Variants in CNTNAP2 observed in about 807,000 individuals in gnomAD.
CNTNAP2 encodes the protein contactin associated protein 2.
A neutral mutation model predicts 155.2 loss-of-function variants in CNTNAP2; 98 were observed. That is an observed-to-expected ratio of 0.63 (90% CI 0.54 to 0.75). CNTNAP2 has a LOEUF of 0.75. Ranked by LOEUF, CNTNAP2 falls within the 30% of genes least tolerant of loss-of-function variation. The pLI is 0.00. For synonymous variants in CNTNAP2, 651 were observed against 631.2 expected (o/e 1.03, Z -0.47); for missense variants, 1,727 against 1,688.1 (o/e 1.02, Z -0.40).
chr7:146,541,389 G>C (rs1438100722), intron 1 of CNTNAP2, among the ~76,000 whole-genome samples: 1 of 151,952 alleles, frequency 6.6e-6, no homozygotes, highest in East Asian at 1.9e-4. Context: ...AACACTCTAA[G>C]ATAATTTACT....
At chr7:147,288,065 C>T (rs984712566) in intron 8 of CNTNAP2, among the ~76,000 whole-genome samples, 2 of 152,112 alleles carry the variant, frequency 1.3e-5, no homozygotes, top group Non-Finnish European at 2.9e-5. Flanking sequence ...TCTGGCACTC[C>T]AATACACCAA....
chr7:147,301,439 G>A (rs1324983012), intron 9 of CNTNAP2, among the ~76,000 whole-genome samples: 1 of 152,086 alleles, frequency 6.6e-6, no homozygotes, highest in African/African-American at 2.4e-5. Flanking sequence ...AATGTGAGAT[G>A]TAAAAAATAA....
chr7:146,507,513 T>A (rs1484539206), intron 1 of CNTNAP2, among the ~76,000 whole-genome samples: 1 of 152,200 alleles, frequency 6.6e-6, no homozygotes, highest in Non-Finnish European at 1.5e-5. Flanking sequence ...CTGAGCCAAA[T>A]GGAGCACAAA....
intron 1 of CNTNAP2, among the ~76,000 whole-genome samples, chr7:146,301,724 C>T (rs1331424157): frequency 2.0e-5 from 3 of 152,080 alleles, no homozygotes; most frequent in African/African-American, 7.2e-5. Context: ...CATGAATGAT[C>T]TCCAAATAAA....
intron 1 of CNTNAP2, among the ~76,000 whole-genome samples, chr7:146,331,015 A>C (rs1801175401): frequency 6.6e-6 from 1 of 152,110 alleles, no homozygotes; most frequent in Non-Finnish European, 1.5e-5. Context: ...TCAATAACCA[A>C]CTATCATGGC....
rs566884642 is a variant in CNTNAP2 at position 147,274,137 on chromosome 7, T to C, written c.1349-26004T>C. 2.0e-5 allele frequency among the ~76,000 whole-genome samples: 3 copies of C among 152,068 alleles called. No individual in the cohort carries two copies. The South Asian group carries it at 6.2e-4, about 32-fold the overall frequency. Reference sequence around the variant, plus strand: ...GACTCCATGACTTTGCTATTGCAAATAGTGCTGTGATCAACATATGAGTGT... The same window carrying C: ...GACTCCATGACTTTGCTATTGCAAACAGTGCTGTGATCAACATATGAGTGT... On this transcript the variant is annotated intron_variant, in intron 8 of 23. Coordinates refer to ENST00000361727, the MANE Select transcript of CNTNAP2 (RefSeq NM_014141.6).
At chr7:146,844,198 A>T (rs12667619) in intron 3 of CNTNAP2, among the ~76,000 whole-genome samples, 9,171 of 152,188 alleles carry the variant, frequency 0.06, 402 homozygotes, top group East Asian at 0.14. Context: ...TAGAGTCATG[A>T]ATCTTGCATT....
chr7:147,076,723 A>G (rs899905638), intron 4 of CNTNAP2, among the ~76,000 whole-genome samples: 4 of 152,196 alleles, frequency 2.6e-5, no homozygotes, highest in African/African-American at 9.7e-5. Context: ...CTGTCAGTGT[A>G]AATTTCATTA....
intron 4 of CNTNAP2, among the ~76,000 whole-genome samples, chr7:147,096,570 C>A (rs144439519): frequency 6.6e-6 from 1 of 152,142 alleles, no homozygotes; most frequent in Non-Finnish European, 1.5e-5. Flanking sequence ...ATCAATAGAA[C>A]GACATGATAT....
chr7:147,187,521 A>G (rs764181666), intron 8 of CNTNAP2, among the ~76,000 whole-genome samples: 1 of 152,122 alleles, frequency 6.6e-6, no homozygotes, highest in African/African-American at 2.4e-5. Flanking sequence ...ACAGAAAACC[A>G]AATACTACAT....
intron 15 of CNTNAP2, among the ~76,000 whole-genome samples, chr7:148,082,295 A>G (rs1222045158): frequency 4.6e-5 from 7 of 152,248 alleles, no homozygotes; most frequent in African/African-American, 1.7e-4. Context: ...TTTGGCCCAG[A>G]TGACAAGGGC....
At chr7:147,728,996 A>G (rs1047166265) in intron 13 of CNTNAP2, among the ~76,000 whole-genome samples, 5 of 147,582 alleles carry the variant, frequency 3.4e-5, no homozygotes, top group African/African-American at 1.2e-4. Flanking sequence ...TATAATATAT[A>G]TTATGTATAA....
At chr7:147,560,745 A>C (rs60371811) in intron 11 of CNTNAP2, among the ~76,000 whole-genome samples, 30,094 of 150,454 alleles carry the variant, frequency 0.2, 3,236 homozygotes, top group Admixed American at 0.29. Context: ...AAAGGGAGGA[A>C]ATGAGGGAGG....
intron 13 of CNTNAP2, among the ~76,000 whole-genome samples, chr7:147,740,586 G>A (rs749220691): frequency 3.3e-5 from 5 of 152,166 alleles, no homozygotes; most frequent in Non-Finnish European, 7.3e-5. Flanking sequence ...GTTAGTCCAA[G>A]GTAGGGTTTA....
At position 147,045,539 on chromosome 7, in the gene CNTNAP2, G is replaced by A. The variant is rs1034053232; in HGVS notation, c.550+1485G>A. 2.6e-5 allele frequency among the ~76,000 whole-genome samples: 4 copies of A among 152,140 alleles called. No individual in the cohort carries two copies. The South Asian group carries it at 6.2e-4, about 24-fold the overall frequency. On this transcript the variant is annotated intron_variant, in intron 4 of 23. Transcript: ENST00000361727. Reference sequence around the variant, plus strand: ...CATTTTATTGTAGCAGATAAAATTAGTAGAGAGACAAAAGATTTAGCTCTT... The same window carrying A: ...CATTTTATTGTAGCAGATAAAATTAATAGAGAGACAAAAGATTTAGCTCTT...
intron 3 of CNTNAP2, among the ~76,000 whole-genome samples, chr7:146,910,987 T>C (rs1796262327): frequency 6.6e-6 from 1 of 151,320 alleles, no homozygotes; most frequent in Non-Finnish European, 1.5e-5. Flanking sequence ...CATCAAAAAG[T>C]GGGCGAAGGA....
chr7:148,379,299 A>G (rs1348498578), intron 21 of CNTNAP2, among the ~76,000 whole-genome samples: 1 of 152,272 alleles, frequency 6.6e-6, no homozygotes, highest in Non-Finnish European at 1.5e-5. Flanking sequence ...TATAAAACCT[A>G]ACAAAAATCA....
chr7:146,885,924 A>G (rs964499101), intron 3 of CNTNAP2, among the ~76,000 whole-genome samples: 1 of 101,114 alleles, frequency 9.9e-6, no homozygotes, highest in South Asian at 3.7e-4. Flanking sequence ...AATATATGTA[A>G]GTCGGTGTGT....
At chr7:146,569,152 GA>G (rs1798402790) in intron 1 of CNTNAP2, among the ~76,000 whole-genome samples, 7 of 152,192 alleles carry the variant, frequency 4.6e-5, no homozygotes, top group African/African-American at 1.7e-4. Context: ...AAGTAGCTGG[GA>G]CTACAGGCGC....
Sources: allele counts gnomAD v4.1 joint callset (sites outside exome capture counted in the v4.1 genomes callset), GRCh38; gene constraint gnomAD v4.1.1; transcripts MANE v1.5; gene names NCBI Gene and HGNC (gene_info 2026-07-23, HGNC 2026-07-21).